Variants in PAX2 observed in about 807,000 individuals in gnomAD.
The protein encoded by PAX2 is paired box 2.
A neutral mutation model predicts 41.7 loss-of-function variants in PAX2; 9 were observed. That is an observed-to-expected ratio of 0.22 (90% confidence interval 0.13 to 0.38). PAX2 has a LOEUF of 0.38. Ranked by LOEUF, PAX2 falls within the 10% of genes least tolerant of loss-of-function variation. PAX2 has a pLI of 1.00. For missense variants in PAX2, 418 were observed against 531.6 expected, an observed-to-expected ratio of 0.79 and a Z score of 2.10; for synonymous variants, 221 against 212.7, an observed-to-expected ratio of 1.04 and a Z score of -0.34.
At chr10:100,804,996 TCCTTC>T (rs2133946834) in intron 5 of PAX2, among the ~76,000 whole-genome samples, 2 of 144,996 alleles carry the variant, frequency 1.4e-5, no homozygotes, top group South Asian at 2.2e-4. Flanking sequence ...TCTCTCTCTC[TCCTTC>T]TCTCTCTCTC....
At chr10:100,739,014 G>GACACACACACACACACACACAC (rs61617727) in intron 1 of PAX2, among the ~76,000 whole-genome samples, 10 of 138,266 alleles carry the variant, frequency 7.2e-5, no homozygotes, top group Admixed American at 2.8e-4. Flanking sequence ...CGCGCACGCG[G>GACACACACACACACACACACAC]ACACACACAC....
At chr10:100,825,506 A>G (rs1215275988) in intron 8 of PAX2, among the ~76,000 whole-genome samples, 1 of 152,150 alleles carries the variant, frequency 6.6e-6, no homozygotes, top group Non-Finnish European at 1.5e-5. Flanking sequence ...CCAGATTGGG[A>G]GCAGGGTCTT....
At chr10:100,766,624 G>T (rs533766019) in intron 3 of PAX2, among the ~76,000 whole-genome samples, 1 of 152,180 alleles carries the variant, frequency 6.6e-6, no homozygotes, top group Non-Finnish European at 1.5e-5. Context: ...GCAGAGCAGG[G>T]ACATTTGCTT....
chr10:100,756,066 A>G (rs180841588), intron 3 of PAX2, among the ~76,000 whole-genome samples: 2 of 152,220 alleles, frequency 1.3e-5, no homozygotes, highest in Non-Finnish European at 2.9e-5. Context: ...TCTGGTGCAC[A>G]TGGGAGAGTG....
Position 100,791,711 on chromosome 10 carries a change from T to G in PAX2, c.616+10346T>G, listed in dbSNP as rs1225021632. Among the ~76,000 whole-genome samples, 1 of 152,130 alleles carries G rather than the reference T, an allele frequency of 6.6e-6. No individual in the cohort carries two copies. The highest frequency in any genetic ancestry group is 1.5e-5 in the Non-Finnish European group (1 of 68,008). On this transcript the variant is annotated intron_variant, in intron 5 of 9. Coordinates refer to ENST00000355243, the MANE Select transcript of PAX2 (RefSeq NM_000278.5). This position sits in a 1 kb window ranked among gnomAD's most constrained non-coding sequence, Gnocchi z 4.5. Reference sequence around the variant, plus strand: ...CCCAGGCAGCCTGGGAAGCCTGGGATGGAGGGATGGGGACAGTAGGTTTGG... The same window carrying G: ...CCCAGGCAGCCTGGGAAGCCTGGGAGGGAGGGATGGGGACAGTAGGTTTGG...
intron 1 of PAX2, among the ~76,000 whole-genome samples, chr10:100,738,241 C>T (rs1844838689): frequency 6.6e-6 from 1 of 152,232 alleles, no homozygotes. Flanking sequence ...GAGACACAGC[C>T]TGATGCCTCG....
At chr10:100,773,607 A>C (rs1846285819) in intron 3 of PAX2, among the ~76,000 whole-genome samples, 1 of 152,182 alleles carries the variant, frequency 6.6e-6, no homozygotes, top group East Asian at 1.9e-4. Flanking sequence ...CATTCTATTG[A>C]TTTGTAAAAA....
intron 5 of PAX2, among the ~76,000 whole-genome samples, chr10:100,785,299 C>T (rs11190704): frequency 1.7e-4 from 26 of 152,290 alleles, no homozygotes; most frequent in African/African-American, 5.5e-4. Context: ...GGTATTGAAG[C>T]GCAGGGCAGT....
rs768654284 is a variant in PAX2 at position 100,809,122 on chromosome 10, T to C, written c.805T>C (p.Ser269Pro). ...HIKSEQGNEYSLPALTPGLDE... is the reference protein window; with the variant it reads ...HIKSEQGNEYPLPALTPGLDE... ...TCTCTCCTCCCAGGGGAACGAGTAC[T>C]CCCTCCCAGCCCTGACCCCTGGGCT... The change falls in exon 7 of 10, where the codon TCC becomes CCC. Residue 269 changes from serine to proline, a missense_variant. Physicochemically the swap from Ser to Pro is moderately conservative, Grantham distance 74 (BLOSUM62 -1). Transcript: ENST00000355243. 2 of 1,613,242 alleles carry C rather than the reference T, an allele frequency of 1.2e-6. No homozygotes were observed. The highest frequency in any genetic ancestry group is 1.6e-4 in the Middle Eastern group (1 of 6,078).
intron 7 of PAX2, among the ~76,000 whole-genome samples, chr10:100,812,239 A>C (rs1220993838): frequency 6.6e-6 from 1 of 152,234 alleles, no homozygotes; most frequent in South Asian, 2.1e-4. Context: ...ATTTCACTGC[A>C]TCACAACTCA....
chr10:100,780,751 A>G (rs1846587091), intron 4 of PAX2, among the ~76,000 whole-genome samples: 1 of 152,182 alleles, frequency 6.6e-6, no homozygotes, highest in Admixed American at 6.5e-5. Flanking sequence ...CACAGACTCT[A>G]AATCAGGATT....
At chr10:100,785,510 G>A (rs906915516) in intron 5 of PAX2, among the ~76,000 whole-genome samples, 2 of 152,196 alleles carry the variant, frequency 1.3e-5, no homozygotes, top group Non-Finnish European at 2.9e-5. Context: ...GGCAGGGCAG[G>A]TTGCATGGCT....
intron 7 of PAX2, among the ~76,000 whole-genome samples, chr10:100,820,687 C>G (rs559950384): frequency 5.4e-4 from 82 of 152,210 alleles, no homozygotes; most frequent in Non-Finnish European, 1.1e-3. Context: ...GCATTCCAGC[C>G]TGGGCGATAG....
intron 3 of PAX2, among the ~76,000 whole-genome samples, chr10:100,754,964 G>A (rs1483637047): frequency 6.6e-6 from 1 of 152,190 alleles, no homozygotes; most frequent in Non-Finnish European, 1.5e-5. Context: ...CAGAGGAATG[G>A]CAGAAACAAG....
chr10:100,807,346 C>G (rs896273044), intron 6 of PAX2, among the ~76,000 whole-genome samples: 1 of 151,864 alleles, frequency 6.6e-6, no homozygotes, highest in Non-Finnish European at 1.5e-5. Flanking sequence ...CCTGCTCCCC[C>G]ACCCACAGCC....
At chr10:100,762,807 A>G (rs1051589626) in intron 3 of PAX2, among the ~76,000 whole-genome samples, 2 of 152,192 alleles carry the variant, frequency 1.3e-5, no homozygotes, top group African/African-American at 4.8e-5. Context: ...TTGGACTGAC[A>G]ATACATAGAG....
rs1295227752 is a variant in PAX2, at chr10:100,746,213, G to A, written c.-48G>A. On this transcript the variant is annotated 5_prime_UTR_variant, in exon 1 of 10. Coordinates refer to ENST00000355243, the MANE Select transcript of PAX2 (RefSeq NM_000278.5). ...TCAAGTCCTGAAGTTGAGTTTGAGA[G>A]GCGACACGGCGGCGGCGGCCGCGCT... The A allele has an allele frequency of 6.2e-7, 1 of 1,613,346 alleles. No homozygotes were observed. The highest frequency in any genetic ancestry group is 1.3e-5 in the African/African-American group (1 of 74,894).
In PAX2 at chr10:100,748,031, A is replaced by C; in HGVS notation, c.44-1715A>C. 10 of 984,570 alleles carry C rather than the reference A, an allele frequency of 1.0e-5. No homozygotes were observed. The highest frequency in any genetic ancestry group is 1.2e-5 in the Non-Finnish European group (10 of 829,824). 61.0% of individuals were successfully genotyped at this position (984,570 alleles called of 1,614,324 possible). On this transcript the variant is annotated intron_variant, in intron 1 of 9. Coordinates refer to ENST00000355243, the MANE Select transcript of PAX2 (RefSeq NM_000278.5). This position sits in a 1 kb window ranked among gnomAD's most constrained non-coding sequence, Gnocchi z 5.0. ...GGGCCGGTGGACTGGTGGGTGAGAC[A>C]CCGCAGCCCGAGTCGGTGCTGGCGG...
rs182808228 is a variant in PAX2, at chr10:100,758,298, G to A, written c.410+7407G>A. On this transcript the variant is annotated intron_variant, in intron 3 of 9. Coordinates refer to ENST00000355243, the MANE Select transcript of PAX2 (RefSeq NM_000278.5). Reference sequence around the variant, plus strand: ...TGGGACTATAGGCGCCCACCACCACGCCCGGCTAATTTTTTGTATTTTTAG... The same window carrying A: ...TGGGACTATAGGCGCCCACCACCACACCCGGCTAATTTTTTGTATTTTTAG... 5.3e-3 allele frequency among the ~76,000 whole-genome samples: 811 copies of A among 152,108 alleles called. 7 individuals are homozygous for A. Among genetic ancestry groups the A allele is most frequent in the African/African-American group, 0.018 (759 of 41,500 alleles).
Sources: gnomAD v4.1 joint callset for allele counts (sites outside exome capture counted in the v4.1 genomes callset) on GRCh38, gnomAD v4.1.1 for gene constraint, Gnocchi (gnomAD v3.1) non-coding constraint, MANE v1.5 for transcripts, NCBI Gene and HGNC (gene_info 2026-07-23, HGNC 2026-07-21) for gene names.